Variants in GRM5 observed in about 807,000 individuals in gnomAD.
GRM5 encodes the protein glutamate metabotropic receptor 5.
Under a neutral mutation model 83.1 loss-of-function variants are expected in GRM5, and 19 were observed. The observed-to-expected ratio is 0.23, with a 90% CI of 0.16 to 0.34. The LOEUF (loss-of-function observed/expected upper bound fraction) is 0.34, where lower values mean the gene tolerates loss of function less well. Among genes scored for constraint, GRM5 ranks in the 10% least tolerant of loss-of-function variants. The probability of loss-of-function intolerance (pLI) is 1.00; values close to 1 mark genes in which losing one functional copy is unlikely to be tolerated. For synonymous variants in GRM5, 675 were observed against 633.6 expected (o/e 1.07, Z -0.98); for missense variants, 1,160 against 1,588.3 (o/e 0.73, Z 4.58).
chr11:88,714,844 G>C (rs1000765449), intron 3 of GRM5, among the ~76,000 whole-genome samples: 1 of 151,930 alleles, frequency 6.6e-6, no homozygotes, highest in South Asian at 2.1e-4. Flanking sequence ...AAATGAGACT[G>C]TAAGTTCCAC....
intron 4 of GRM5, among the ~76,000 whole-genome samples, chr11:88,605,966 T>A (rs775167431): frequency 6.6e-6 from 1 of 152,174 alleles, no homozygotes; most frequent in African/African-American, 2.4e-5. Context: ...GCAATTATAA[T>A]GTGTTTTGAT....
At chr11:88,829,705 T>C (rs12290437) in intron 3 of GRM5, among the ~76,000 whole-genome samples, 3,869 of 152,278 alleles carry the variant, frequency 0.025, 171 homozygotes, top group African/African-American at 0.089. Flanking sequence ...GCACCAATTT[T>C]AATTTAAAAA....
At chr11:88,610,022 T>C (rs1938270765) in intron 4 of GRM5, among the ~76,000 whole-genome samples, 1 of 152,188 alleles carries the variant, frequency 6.6e-6, no homozygotes, top group Non-Finnish European at 1.5e-5. Flanking sequence ...TTACTGACTT[T>C]GTTGAAGATC....
intron 3 of GRM5, among the ~76,000 whole-genome samples, chr11:88,777,085 G>A (rs1052729513): frequency 6.6e-6 from 1 of 152,114 alleles, no homozygotes; most frequent in Non-Finnish European, 1.5e-5. Context: ...CCAATCAAAC[G>A]TAGATTTGGT....
intron 2 of GRM5, among the ~76,000 whole-genome samples, chr11:88,978,510 A>C (rs1239537270): frequency 2.2e-5 from 3 of 137,788 alleles, no homozygotes; most frequent in African/African-American, 3.1e-5. Context: ...AAAAAAAAAA[A>C]AAAAAACCTC....
chr11:88,991,599 C>G (rs1271612521), intron 2 of GRM5, among the ~76,000 whole-genome samples: 1 of 149,532 alleles, frequency 6.7e-6, no homozygotes, highest in South Asian at 2.2e-4. Context: ...ATCACACTAC[C>G]TGACTTCAAA....
chr11:88,811,375 C>T (rs11021413), intron 3 of GRM5, among the ~76,000 whole-genome samples: 3,882 of 152,074 alleles, frequency 0.026, 175 homozygotes, highest in African/African-American at 0.089. Flanking sequence ...GAATCTGAAC[C>T]AGGAAACAGA....
chr11:88,641,839 A>G (rs958115331), intron 4 of GRM5, among the ~76,000 whole-genome samples: 1 of 152,094 alleles, frequency 6.6e-6, no homozygotes, highest in African/African-American at 2.4e-5. Context: ...GGCTACTCTC[A>G]CGGGTTGAAG....
At chr11:88,801,931 C>T (rs931701509) in intron 3 of GRM5, among the ~76,000 whole-genome samples, 8 of 152,058 alleles carry the variant, frequency 5.3e-5, no homozygotes, top group Non-Finnish European at 8.8e-5. Context: ...TTTCTGGTTA[C>T]ACCCATGTGG....
intron 3 of GRM5, among the ~76,000 whole-genome samples, chr11:88,752,301 T>C (rs899781301): frequency 1.4e-4 from 21 of 151,954 alleles, no homozygotes; most frequent in Admixed American, 1.3e-3. Context: ...CATTCATATA[T>C]ACCAACAACA....
chr11:88,757,813 A>G (rs374982175), intron 3 of GRM5, among the ~76,000 whole-genome samples: 1 of 152,170 alleles, frequency 6.6e-6, no homozygotes, highest in East Asian at 1.9e-4. Flanking sequence ...CCATAGCCCT[A>G]CAAAATGCTT....
intron 2 of GRM5, among the ~76,000 whole-genome samples, chr11:88,999,486 A>T (rs1431200158): frequency 6.6e-6 from 1 of 152,206 alleles, no homozygotes; most frequent in Non-Finnish European, 1.5e-5. Flanking sequence ...CACATGAAAA[A>T]TTTCTCATCA....
chr11:88,928,907 T>TATATATACACAC lies in GRM5; in HGVS notation c.662-78753_662-78752insGTGTGTATATAT, dbSNP rs369951090. Among the ~76,000 whole-genome samples, 333 of 138,744 alleles carry TATATATACACAC rather than the reference T, an allele frequency of 2.4e-3. 1 individual carries two copies. The highest frequency in any genetic ancestry group is 7.1e-3 in the Middle Eastern group (2 of 280). 91.0% of individuals were successfully genotyped at this position (138,744 alleles called of 152,430 possible). The stretch of plus-strand genomic sequence containing the variant: ...GTTTGTACCTATGTGTATGTGTATA[T>TATATATACACAC]ACACACACACACACACACACACACA... On this transcript the variant is annotated intron_variant, in intron 2 of 9. Transcript: ENST00000305447.
chr11:88,536,775 T>C (rs900360590), intron 8 of GRM5, among the ~76,000 whole-genome samples: 1 of 152,206 alleles, frequency 6.6e-6, no homozygotes, highest in Non-Finnish European at 1.5e-5. Context: ...ACATTGCATC[T>C]TATTCTACAG....
chr11:88,890,779 G>A (rs1455880626), intron 2 of GRM5, among the ~76,000 whole-genome samples: 3 of 152,048 alleles, frequency 2.0e-5, no homozygotes, highest in Non-Finnish European at 4.4e-5. Flanking sequence ...TAGGCTCCAC[G>A]CCTGGTACAT....
intron 2 of GRM5, among the ~76,000 whole-genome samples, chr11:88,885,307 G>T (rs1217455707): frequency 1.3e-5 from 2 of 151,572 alleles, no homozygotes; most frequent in East Asian, 3.9e-4. Flanking sequence ...GACACAAGTG[G>T]CAACTCAATA....
intron 8 of GRM5, among the ~76,000 whole-genome samples, chr11:88,529,822 T>C (rs568624102): frequency 6.6e-6 from 1 of 151,990 alleles, no homozygotes; most frequent in South Asian, 2.1e-4. Context: ...ATGAGTATAA[T>C]AGGAAGAAGT....
At chr11:89,030,125 A>T (rs1158114427) in intron 2 of GRM5, among the ~76,000 whole-genome samples, 1 of 152,192 alleles carries the variant, frequency 6.6e-6, no homozygotes, top group Non-Finnish European at 1.5e-5. Context: ...TACAATGACA[A>T]CGGGTGCAAT....
At chr11:88,880,186 T>G (rs1231661485) in intron 2 of GRM5, among the ~76,000 whole-genome samples, 1 of 151,798 alleles carries the variant, frequency 6.6e-6, no homozygotes, top group Non-Finnish European at 1.5e-5. Context: ...AAGAACGCTA[T>G]GAGGCAGGGA....
Sources: allele counts gnomAD v4.1 joint callset (sites outside exome capture counted in the v4.1 genomes callset), GRCh38; gene constraint gnomAD v4.1.1; transcripts MANE v1.5; gene names NCBI Gene and HGNC (gene_info 2026-07-23, HGNC 2026-07-21).